Variants in TMEM220 observed in about 807,000 individuals in gnomAD.
The protein encoded by TMEM220 is transmembrane protein 220.
Under a neutral mutation model 21.7 loss-of-function variants are expected in TMEM220, and 21 were observed. That is an observed-to-expected ratio of 0.97 (90% CI 0.69 to 1.39). The LOEUF is 1.39. Ranked by LOEUF, TMEM220 falls within the 40% of genes most tolerant of loss-of-function variation. The probability of loss-of-function intolerance (pLI) is 0.00; values close to 1 mark genes in which losing one functional copy is unlikely to be tolerated. For missense variants in TMEM220, 191 were observed against 201.9 expected, an observed-to-expected ratio of 0.95 and a Z score of 0.33; for synonymous variants, 80 against 73.6, an observed-to-expected ratio of 1.09 and a Z score of -0.45.
intron 1 of TMEM220, among the ~76,000 whole-genome samples, 198 bp downstream of exon 1, chr17:10,729,582 G>C (rs1207467221): frequency 1.3e-5 from 2 of 152,196 alleles, no homozygotes; most frequent in Admixed American, 1.3e-4. Context: ...CCTGGTATGG[G>C]ACTCGCTTCC....
intron 5 of TMEM220, 23 bp from the exon 6 acceptor site, chr17:10,715,611 A>T (rs779939085): frequency 3.3e-6 from 5 of 1,537,046 alleles, no homozygotes; most frequent in Non-Finnish European, 4.4e-6. Flanking sequence ...AAAAATTATT[A>T]TAAATAAAAA....
chr17:10,721,638 A>AAAG (rs2074992854), intron 5 of TMEM220, among the ~76,000 whole-genome samples: 1 of 137,620 alleles, frequency 7.3e-6, no homozygotes, highest in African/African-American at 3.3e-5. Context: ...GAAAAAAAAG[A>AAAG]AAAAAAAAAT....
At chr17:10,729,753 G>A (rs1460338394) in intron 1 of TMEM220, 27 bp downstream of exon 1, 3 of 1,340,286 alleles carry the variant, frequency 2.2e-6, no homozygotes, top group South Asian at 3.6e-5. Flanking sequence ...AGCCGGGCGG[G>A]TCCCCCTCCC....
In TMEM220 at chr17:10,725,132, T is replaced by C; in HGVS notation, c.166A>G (p.Asn56Asp). 6.2e-7 allele frequency: 1 copy of C among 1,613,964 alleles called. No individual in the cohort carries two copies. The highest frequency in any genetic ancestry group is 1.6e-4 in the Middle Eastern group (1 of 6,062). Residue 56 changes from asparagine to aspartate, a missense_variant and splice_region_variant, in exon 4 of 6, where the codon AAT (asparagine) becomes GAT (aspartate). Physicochemically the swap from Asn to Asp is conservative, Grantham distance 23. Coordinates refer to ENST00000341871, the MANE Select transcript of TMEM220 (RefSeq NM_001004313.3). ...GCAGAGATACTTTTCCAAATAACAT[T>C]ACCTAAAAATAGATGTTCTGATGTT... ...LVGLNPEVTG[N>D]VIWKSISAIH...
intron 4 of TMEM220, chr17:10,724,579 CAAA>C (rs11302864): frequency 1.0e-3 from 128 of 128,444 alleles, no homozygotes; most frequent in Middle Eastern, 4.2e-3. Context: ...GACTCCGTTT[CAAA>C]AAAAAAAAAA....
intron 5 of TMEM220, among the ~76,000 whole-genome samples, chr17:10,720,866 A>C: frequency 6.6e-6 from 1 of 152,184 alleles, no homozygotes; most frequent in East Asian, 1.9e-4. Context: ...TTGTAGAATA[A>C]ATCAAATGGG....
At chr17:10,729,755 C>T (rs771608669) in intron 1 of TMEM220, 25 bp downstream of exon 1, 100 of 1,342,000 alleles carry the variant, frequency 7.5e-5, no homozygotes, top group African/African-American at 2.4e-4. Flanking sequence ...CCGGGCGGGT[C>T]CCCCTCCCAC....
chr17:10,727,523 G>A (rs767045097), intron 2 of TMEM220, among the ~76,000 whole-genome samples: 1 of 152,156 alleles, frequency 6.6e-6, no homozygotes, highest in Non-Finnish European at 1.5e-5. Context: ...GTGAATATAC[G>A]CAGCAGTCTT....
intron 3 of TMEM220, 29 bp from the exon 4 acceptor site, chr17:10,725,163 C>A (rs778219527): frequency 1.9e-6 from 3 of 1,611,192 alleles, no homozygotes; most frequent in Non-Finnish European, 2.5e-6. Flanking sequence ...ATGTTGTTAA[C>A]CACGGAATCA....
chr17:10,728,288 C>CT (rs112898193), intron 2 of TMEM220, among the ~76,000 whole-genome samples: 62 of 139,434 alleles, frequency 4.4e-4, no homozygotes, highest in African/African-American at 7.4e-4. Flanking sequence ...CTTTTCTTTG[C>CT]TTTTTTTTTT....
rs2074912140 is a variant in TMEM220, at chr17:10,715,881, A to G, written c.348-293T>C. On this transcript the variant is annotated intron_variant, in intron 5 of 5. Transcript: ENST00000341871. ...TTTCCTAATGATTTTTGTGCTGTTT[A>G]AGAATTTCCCTCACCAAGGTTTTGA... 3 of 349,740 alleles carry G rather than the reference A, an allele frequency of 8.6e-6. No homozygotes were observed. The South Asian group carries it at 1.4e-4, about 16-fold the overall frequency. The allele number at this position is 349,740 out of a possible 1,614,324, so 21.7% of individuals were successfully genotyped here. A position where few individuals can be genotyped will look rare whatever the true frequency, so the allele number is the denominator to read the frequency against.
At chr17:10,720,509 G>A (rs936499570) in intron 5 of TMEM220, among the ~76,000 whole-genome samples, 22 of 152,136 alleles carry the variant, frequency 1.4e-4, no homozygotes, top group African/African-American at 5.3e-4. Flanking sequence ...ATCATGGAAG[G>A]ATAAACTATA....
chr17:10,725,223 G>C, intron 3 of TMEM220, 89 bp from the exon 4 acceptor site: 11 of 1,547,846 alleles, frequency 7.1e-6, no homozygotes, highest in Non-Finnish European at 9.6e-6. Context: ...GCCATAGTCT[G>C]CTTTCAGAAA....
chr17:10,726,347 A>C, intron 2 of TMEM220, 83 bp from the exon 3 acceptor site: 1 of 1,154,992 alleles, frequency 8.7e-7, no homozygotes, highest in Non-Finnish European at 1.3e-6. Flanking sequence ...GAAGTAAAGA[A>C]AGATGAGATC....
rs368331673 is a variant in TMEM220 at position 10,726,257 on chromosome 17, T to C, written c.110A>G (p.Tyr37Cys). The change falls in exon 3 of 6, where the codon TAC becomes TGC. Residue 37 changes from tyrosine (Y) to cysteine (C), a missense_variant. Coordinates refer to ENST00000341871, the MANE Select transcript of TMEM220 (RefSeq NM_001004313.3). ...CAGGGTCAGTACTGCAGGGATTGTG[T>C]ACACCACCTGTTAGCAAAAAGGGAG... Reference protein sequence around the residue: ...DPDAEVWVVVYTIPAVLTLLV... With the variant: ...DPDAEVWVVVCTIPAVLTLLV... 20 of 1,613,928 alleles carry C rather than the reference T, an allele frequency of 1.2e-5. No homozygotes were observed. The highest frequency in any genetic ancestry group is 1.6e-5 in the Non-Finnish European group (19 of 1,179,814).
At position 10,714,450 on chromosome 17, in the gene TMEM220, A is replaced by G. The variant is rs1168241014; in HGVS notation, c.*1003T>C. On this transcript the variant is annotated 3_prime_UTR_variant, in exon 6 of 6. Transcript: ENST00000341871. Reference sequence around the variant, plus strand: ...ATCCATTTATAAAGAATGTATATAGATTTTGACCTTATTTCTCATTTAGAA... The same window carrying G: ...ATCCATTTATAAAGAATGTATATAGGTTTTGACCTTATTTCTCATTTAGAA... 1.3e-5 allele frequency: 2 copies of G among 151,296 alleles called. No homozygotes were observed. The highest frequency in any genetic ancestry group is 4.8e-5 in the African/African-American group (2 of 41,274). The allele number at this position is 151,296 out of a possible 1,614,324, so 9.4% of individuals were successfully genotyped here.
At chr17:10,729,659 C>T in intron 1 of TMEM220, 121 bp downstream of exon 1, 1 of 843,204 alleles carries the variant, frequency 1.2e-6, no homozygotes, top group Non-Finnish European at 1.6e-6. Context: ...AGCCCAAGTC[C>T]CGTCCTCCCC....
At chr17:10,725,828 G>A (rs1222945068) in intron 3 of TMEM220, among the ~76,000 whole-genome samples, 1 of 152,126 alleles carries the variant, frequency 6.6e-6, no homozygotes, top group East Asian at 1.9e-4. Flanking sequence ...AGATGCAGAC[G>A]GAGTTCTAGC....
chr17:10,723,628 C>T (rs1381794067), intron 4 of TMEM220, among the ~76,000 whole-genome samples: 3 of 152,004 alleles, frequency 2.0e-5, no homozygotes, highest in African/African-American at 4.8e-5. Context: ...TTATAAAATC[C>T]ACAGATACAT....
Sources: gnomAD v4.1 joint callset for allele counts (sites outside exome capture counted in the v4.1 genomes callset) on GRCh38, gnomAD v4.1.1 for gene constraint, MANE v1.5 for transcripts, NCBI Gene and HGNC (gene_info 2026-07-23, HGNC 2026-07-21) for gene names.